Variants in GPC6 observed in about 807,000 individuals in gnomAD.
GPC6 encodes the protein glypican-6.
Under a neutral mutation model 55.2 loss-of-function variants are expected in GPC6, and 14 were observed. The ratio of observed to expected loss-of-function variants is 0.25; its 90% CI spans 0.17 to 0.40. The LOEUF (loss-of-function observed/expected upper bound fraction) is 0.40. GPC6 is among the 10% of genes least tolerant of loss of function. The probability of loss-of-function intolerance (pLI) is 1.00; values close to 1 mark genes in which losing one functional copy is unlikely to be tolerated. For missense variants in GPC6, 641 were observed against 708.5 expected (o/e 0.90, Z 1.08); for synonymous variants, 278 against 259.6 (o/e 1.07, Z -0.68).
intron 4 of GPC6, among the ~76,000 whole-genome samples, chr13:94,163,560 G>T (rs945420696): frequency 1.3e-5 from 2 of 152,050 alleles, no homozygotes; most frequent in African/African-American, 4.8e-5. Context: ...ATTTTTAAAA[G>T]GTAGCTTTAT....
chr13:93,519,392 C>T (rs935764490), intron 1 of GPC6, among the ~76,000 whole-genome samples: 2 of 151,990 alleles, frequency 1.3e-5, no homozygotes, highest in African/African-American at 2.4e-5. Flanking sequence ...GCAATTTCCA[C>T]ACATTAGCAA....
intron 1 of GPC6, among the ~76,000 whole-genome samples, chr13:93,229,562 T>C (rs1875939383): frequency 6.6e-6 from 1 of 152,244 alleles, no homozygotes; most frequent in South Asian, 2.1e-4. Flanking sequence ...GTAGTCACCA[T>C]GAATGTTTGT....
intron 3 of GPC6, among the ~76,000 whole-genome samples, chr13:93,897,481 A>T (rs912880835): frequency 3.3e-5 from 5 of 152,136 alleles, no homozygotes; most frequent in African/African-American, 1.2e-4. Flanking sequence ...CAAATGAAAC[A>T]ATTCAACATC....
intron 2 of GPC6, among the ~76,000 whole-genome samples, chr13:93,689,145 G>A (rs1331021983): frequency 1.3e-5 from 2 of 151,908 alleles, no homozygotes; most frequent in Non-Finnish European, 2.9e-5. Context: ...CCTGCTTAGT[G>A]AAAACACACT....
intron 2 of GPC6, among the ~76,000 whole-genome samples, chr13:93,599,381 A>G (rs1280555060): frequency 1.3e-5 from 2 of 152,286 alleles, no homozygotes; most frequent in African/African-American, 2.4e-5. Context: ...CTATTTGCTT[A>G]TAGAGATCTG....
chr13:94,159,786 A>T (rs1888089842), intron 4 of GPC6, among the ~76,000 whole-genome samples: 1 of 152,222 alleles, frequency 6.6e-6, no homozygotes, highest in South Asian at 2.1e-4. Context: ...AGTACTAATT[A>T]AAAGGTAAAC....
rs1473980714 is a variant in GPC6, at chr13:94,042,123, C to T, written c.877+14229C>T. ...GTGAGTGAATGAGTGAGTGAGTTATCCTGAGATTTGGTTGTTTAAAAGTAT... is the reference window on the plus strand; with the variant it reads ...GTGAGTGAATGAGTGAGTGAGTTATTCTGAGATTTGGTTGTTTAAAAGTAT... On this transcript the variant is annotated intron_variant, in intron 4 of 8. Coordinates refer to ENST00000377047, the MANE Select transcript of GPC6 (RefSeq NM_005708.5). Among the ~76,000 whole-genome samples the T allele has an allele frequency of 2.6e-5, 4 of 151,742 alleles. No individual in the cohort carries two copies. In the East Asian group the frequency reaches 7.8e-4, roughly 30 times the overall value.
Position 93,952,651 on chromosome 13 carries a change from A to G in GPC6, c.712-75078A>G, listed in dbSNP as rs1173924475. 2.0e-5 allele frequency among the ~76,000 whole-genome samples: 3 copies of G among 151,126 alleles called. No individual in the cohort carries two copies. The East Asian group carries it at 5.8e-4, about 29-fold the overall frequency. On this transcript the variant is annotated intron_variant, in intron 3 of 8. Coordinates refer to ENST00000377047, the MANE Select transcript of GPC6 (RefSeq NM_005708.5). The stretch of plus-strand genomic sequence containing the variant: ...TCTGTATATATGTATGTGTCTGTAT[A>G]TATGTATGTATATGTATGTGTGTAT...
At chr13:94,298,674 G>A (rs1594144132) in intron 5 of GPC6, among the ~76,000 whole-genome samples, 2 of 152,198 alleles carry the variant, frequency 1.3e-5, no homozygotes, top group South Asian at 4.1e-4. Context: ...AACTGATCAG[G>A]AAACAGTATT....
intron 4 of GPC6, among the ~76,000 whole-genome samples, chr13:94,251,302 G>A (rs956506489): frequency 2.0e-5 from 3 of 151,658 alleles, no homozygotes; most frequent in African/African-American, 4.9e-5. Flanking sequence ...GGCCAGGCAG[G>A]GGGTGGGGGG....
chr13:93,238,587 T>C (rs1876320603), intron 1 of GPC6, among the ~76,000 whole-genome samples: 2 of 152,092 alleles, frequency 1.3e-5, no homozygotes, highest in Non-Finnish European at 2.9e-5. Context: ...GGATAGTTGC[T>C]CTGGCTAGGA....
chr13:93,440,322 G>A (rs1019740168), intron 1 of GPC6, among the ~76,000 whole-genome samples: 44 of 152,302 alleles, frequency 2.9e-4, no homozygotes, highest in Admixed American at 1.4e-3. Context: ...CTGCCACTTG[G>A]TCACTTGTGC....
At chr13:93,370,801 T>A (rs1881420891) in intron 1 of GPC6, among the ~76,000 whole-genome samples, 1 of 152,212 alleles carries the variant, frequency 6.6e-6, no homozygotes, top group Non-Finnish European at 1.5e-5. Context: ...TCTTGTTTAT[T>A]GTTTATCAAA....
intron 1 of GPC6, among the ~76,000 whole-genome samples, chr13:93,535,684 G>GGAA (rs1489452452): frequency 2.5e-5 from 3 of 120,756 alleles, no homozygotes; most frequent in African/African-American, 9.0e-5. Context: ...ACTTTTTTAG[G>GGAA]AAAAAAAAAA....
At chr13:93,397,762 CT>C (rs11305342) in intron 1 of GPC6, among the ~76,000 whole-genome samples, 2,167 of 146,166 alleles carry the variant, frequency 0.015, 48 homozygotes, top group African/African-American at 0.049. Context: ...TCTCCCTCCT[CT>C]TTTTTTTTTT....
intron 3 of GPC6, among the ~76,000 whole-genome samples, chr13:93,869,389 G>T (rs1889059767): frequency 6.6e-6 from 1 of 151,816 alleles, no homozygotes; most frequent in Non-Finnish European, 1.5e-5. Context: ...ATCTGGCATG[G>T]TCCATCTGCC....
At chr13:94,370,102 G>T (rs780009065) in intron 6 of GPC6, among the ~76,000 whole-genome samples, 1 of 152,202 alleles carries the variant, frequency 6.6e-6, no homozygotes, top group Non-Finnish European at 1.5e-5. Flanking sequence ...TAGAGTGGTG[G>T]CTAAAAGCCA....
At chr13:93,277,555 C>G (rs1012919147) in intron 1 of GPC6, among the ~76,000 whole-genome samples, 2 of 152,132 alleles carry the variant, frequency 1.3e-5, no homozygotes, top group African/African-American at 4.8e-5. Context: ...TAACCCAATT[C>G]CTCAAATCCC....
chr13:93,910,579 G>T (rs1281441335), intron 3 of GPC6, among the ~76,000 whole-genome samples: 2 of 151,976 alleles, frequency 1.3e-5, no homozygotes, highest in African/African-American at 2.4e-5. Context: ...TTTATCCACG[G>T]TTTATCACCA....
Sources: gnomAD v4.1 joint callset for allele counts (sites outside exome capture counted in the v4.1 genomes callset) on GRCh38, gnomAD v4.1.1 for gene constraint, MANE v1.5 for transcripts, NCBI Gene and HGNC (gene_info 2026-07-23, HGNC 2026-07-21) for gene names.